UBE4A: variants seen among roughly 807,000 people sequenced by gnomAD.
The protein encoded by UBE4A is ubiquitin conjugation factor E4 A.
Under a neutral mutation model 117.9 loss-of-function variants are expected in UBE4A, and 48 were observed. That is an observed-to-expected ratio of 0.41 (90% CI 0.32 to 0.52). The LOEUF (loss-of-function observed/expected upper bound fraction) is 0.52. UBE4A is among the 20% of genes least tolerant of loss of function. The pLI, the probability that UBE4A is intolerant of heterozygous loss-of-function variation, is 0.33. For missense variants in UBE4A, 1,067 were observed against 1,296.3 expected (o/e 0.82, Z 2.72); for synonymous variants, 407 against 450.0 (o/e 0.90, Z 1.21).
intron 2 of UBE4A, 148 bp downstream of exon 2, chr11:118,365,349 G>GT (rs369126678): frequency 1.4e-5 from 17 of 1,227,444 alleles, no homozygotes; most frequent in South Asian, 1.7e-5. Context: ...AGAAATTGGG[G>GT]TTTTTTGTTT....
In UBE4A at chr11:118,384,624, C is replaced by A. The variant is rs879954906; in HGVS notation, c.2198-11C>A. ...CGCCTTTGCTGATATTTCGCTCTTG[C>A]CTTACTCCAGGAGACCCCCATCAAT... On this transcript the variant is annotated splice_polypyrimidine_tract_variant and intron_variant, in intron 13 of 19. Transcript: ENST00000252108. 6.2e-7 allele frequency: 1 copy of A among 1,612,766 alleles called. No individual in the cohort carries two copies. The highest frequency in any genetic ancestry group is 8.5e-7 in the Non-Finnish European group (1 of 1,178,922).
chr11:118,386,694 T>G lies in UBE4A; in HGVS notation c.2587+82T>G, dbSNP rs1948762275. The G allele has an allele frequency of 2.8e-6, 4 of 1,408,258 alleles. No homozygotes were observed. The East Asian group carries it at 8.0e-5, about 28-fold the overall frequency. The allele number at this position is 1,408,258 out of a possible 1,614,324, so 87.2% of individuals were successfully genotyped here. ...CTTGGGGGATCAGCCCAGCTGAAAC[T>G]AAGAATTCAGACCCTGGTGACAGTA... On this transcript the variant is annotated intron_variant, in intron 16 of 19. Transcript: ENST00000252108.
Position 118,372,558 on chromosome 11 carries a change from C to T in UBE4A, c.613C>T (p.Leu205Phe). ...LLPFAVQCRN[L>F]TVSNTRTVLL... is the part of the protein sequence containing the mutation. ...ACCCTTTGCAGTGCAGTGCAGAAAC[C>T]TCACTGTGTCCAATACCCGAACAGT... The change falls in exon 6 of 20, where the codon CTC (leucine) becomes TTC (phenylalanine). Residue 205 changes from leucine to phenylalanine, a missense_variant. Leu to Phe is a conservative substitution (Grantham distance 22). Coordinates refer to ENST00000252108, the MANE Select transcript of UBE4A (RefSeq NM_001204077.2). 1 of 1,614,026 alleles carries T rather than the reference C, an allele frequency of 6.2e-7. No individual in the cohort carries two copies. The highest frequency in any genetic ancestry group is 8.5e-7 in the Non-Finnish European group (1 of 1,180,008).
intron 17 of UBE4A, 128 bp from the exon 18 acceptor site, chr11:118,390,529 G>A (rs1948805372): frequency 3.0e-6 from 1 of 334,220 alleles, no homozygotes; most frequent in East Asian, 5.9e-5. Flanking sequence ...ATTGAAATAA[G>A]TCTTTCTATA....
intron 19 of UBE4A, among the ~76,000 whole-genome samples, chr11:118,395,408 C>T (rs559953151): frequency 6.6e-6 from 1 of 152,176 alleles, no homozygotes; most frequent in East Asian, 1.9e-4. Context: ...AAATGTGGCC[C>T]AACAAAAATT....
chr11:118,381,372 T>A lies in UBE4A; in HGVS notation c.1877-19T>A. 2 of 1,613,714 alleles carry A rather than the reference T, an allele frequency of 1.2e-6. No homozygotes were observed. The highest frequency in any genetic ancestry group is 1.7e-6 in the Non-Finnish European group (2 of 1,179,716). On this transcript the variant is annotated intron_variant, in intron 11 of 19. Coordinates refer to ENST00000252108, the MANE Select transcript of UBE4A (RefSeq NM_001204077.2). Reference sequence around the variant, plus strand: ...TATACAGATGTTTGGCTAATTCCAGTGAATATTTTCTTTTTCAGAATTTTT... The same window carrying A: ...TATACAGATGTTTGGCTAATTCCAGAGAATATTTTCTTTTTCAGAATTTTT...
At chr11:118,386,673 G>A (rs1051844394) in intron 16 of UBE4A, 61 bp downstream of exon 16, 24 of 1,464,708 alleles carry the variant, frequency 1.6e-5, no homozygotes, top group Non-Finnish European at 2.2e-5. Flanking sequence ...GCTTCACTTG[G>A]GGGATCAGCC....
intron 1 of UBE4A, among the ~76,000 whole-genome samples, chr11:118,360,997 T>C (rs913375914): frequency 7.0e-6 from 1 of 142,308 alleles, no homozygotes; most frequent in Admixed American, 6.9e-5. Flanking sequence ...TGTGTGTGTG[T>C]GTGTGTGTGT....
At chr11:118,363,707 G>C (rs946924496) in intron 1 of UBE4A, among the ~76,000 whole-genome samples, 1 of 150,358 alleles carries the variant, frequency 6.7e-6, no homozygotes, top group Non-Finnish European at 1.5e-5. Context: ...TGCCTCCCGA[G>C]TCCAAGCAAT....
At chr11:118,368,860 G>T in intron 3 of UBE4A, 56 bp downstream of exon 3, 1 of 1,583,440 alleles carries the variant, frequency 6.3e-7, no homozygotes, top group South Asian at 1.1e-5. Context: ...TTGGGCTAGG[G>T]GCTTGCTCTT....
rs150497819 is a variant in UBE4A, at chr11:118,377,216, G to A, written c.1571+522G>A. Among the ~76,000 whole-genome samples the A allele has an allele frequency of 1.1e-4, 16 of 152,136 alleles. No homozygotes were observed. In the East Asian group the frequency reaches 1.5e-3, roughly 15 times the overall value. On this transcript the variant is annotated intron_variant, in intron 10 of 19. Transcript: ENST00000252108. ...TTTGTTTTTAACTTTTATCGTTGTC[G>A]TTGTTGTTGAAATGGATTTTCGCTC...
At chr11:118,365,353 T>G in intron 2 of UBE4A, 152 bp downstream of exon 2, 1 of 1,196,014 alleles carries the variant, frequency 8.4e-7, no homozygotes, top group Non-Finnish European at 1.1e-6. Context: ...ATTGGGGTTT[T>G]TTGTTTGTTT....
chr11:118,371,748 T>A, intron 5 of UBE4A, 82 bp downstream of exon 5: 1 of 1,407,146 alleles, frequency 7.1e-7, no homozygotes, highest in Non-Finnish European at 9.5e-7. Context: ...GATCAGTCTT[T>A]ATTTCAATTT....
rs187204559 is a variant in UBE4A at position 118,381,144 on chromosome 11, A to G, written c.1877-247A>G. Among the ~76,000 whole-genome samples, 418 of 152,336 alleles carry G rather than the reference A, an allele frequency of 2.7e-3. 2 individuals are homozygous for G. The highest frequency in any genetic ancestry group is 4.5e-3 in the Non-Finnish European group (308 of 68,026). On this transcript the variant is annotated intron_variant, in intron 11 of 19. Transcript: ENST00000252108. ...TAACCTTGAGAGTAAAAATGTATAT[A>G]TTAGTATACTGGTGTGTTAACATTT... is the stretch of plus-strand genomic sequence containing the variant.
chr11:118,377,216 G>T (rs150497819), intron 10 of UBE4A, among the ~76,000 whole-genome samples: 1 of 152,018 alleles, frequency 6.6e-6, no homozygotes, highest in African/African-American at 2.4e-5. Context: ...TATCGTTGTC[G>T]TTGTTGTTGA....
intron 10 of UBE4A, chr11:118,378,707 G>T (rs2134097534): frequency 6.6e-6 from 1 of 152,298 alleles, no homozygotes; most frequent in East Asian, 1.9e-4. Context: ...TAAAAGTTCA[G>T]CATGTGCTTA....
chr11:118,369,826 A>T (rs1948594865), intron 4 of UBE4A, among the ~76,000 whole-genome samples: 1 of 151,784 alleles, frequency 6.6e-6, no homozygotes, highest in Non-Finnish European at 1.5e-5. Flanking sequence ...AGGCACATTG[A>T]CTCACGCCTG....
intron 11 of UBE4A, 58 bp downstream of exon 11, chr11:118,379,808 C>A (rs1948685117): frequency 2.6e-6 from 4 of 1,535,508 alleles, no homozygotes; most frequent in South Asian, 1.2e-5. Context: ...TTAAGTGGGT[C>A]ACTTTGGAAG....
chr11:118,360,358 A>G (rs2134081856), intron 1 of UBE4A, among the ~76,000 whole-genome samples: 1 of 152,292 alleles, frequency 6.6e-6, no homozygotes, highest in South Asian at 2.1e-4. Flanking sequence ...CCCACCTGCG[A>G]TAAAATGGGA....
Sources: gnomAD v4.1 joint callset for allele counts (sites outside exome capture counted in the v4.1 genomes callset) on GRCh38, gnomAD v4.1.1 for gene constraint, MANE v1.5 for transcripts, NCBI Gene and HGNC (gene_info 2026-07-23, HGNC 2026-07-21) for gene names.